WASF3: variants seen among roughly 807,000 people sequenced by gnomAD.
WASF3 encodes actin-binding protein WASF3.
WASF3 carries 11 observed loss-of-function variants against 46.6 expected under a neutral mutation model. The observed-to-expected ratio is 0.24, with a 90% CI of 0.15 to 0.39. The LOEUF is 0.39. Among genes scored for constraint, WASF3 ranks in the 10% least tolerant of loss-of-function variants. WASF3 has a pLI of 1.00. For missense variants in WASF3, 576 were observed against 669.8 expected (o/e 0.86, Z 1.55); for synonymous variants, 242 against 259.7 (o/e 0.93, Z 0.65).
chr13:26,584,682 TC>T (rs1880079291), intron 1 of WASF3, among the ~76,000 whole-genome samples: 1 of 152,206 alleles, frequency 6.6e-6, no homozygotes. Context: ...AAAGCATTCC[TC>T]AGTTTTATGT....
At chr13:26,606,925 TGAGA>T (rs778718678) in intron 1 of WASF3, 3 of 152,182 alleles carry the variant, frequency 2.0e-5, no homozygotes, top group Admixed American at 1.3e-4. Context: ...TGCATGCACA[TGAGA>T]GAGAGACCAC....
chr13:26,590,867 A>AATTATTC (rs923090427), intron 1 of WASF3, among the ~76,000 whole-genome samples: 4 of 152,212 alleles, frequency 2.6e-5, no homozygotes, highest in Non-Finnish European at 5.9e-5. Context: ...CAAATTAATA[A>AATTATTC]ATTATTCACA....
chr13:26,602,856 T>G (rs1364439389), intron 1 of WASF3, among the ~76,000 whole-genome samples: 1 of 152,230 alleles, frequency 6.6e-6, no homozygotes, highest in East Asian at 1.9e-4. Context: ...TCTGTATATT[T>G]CGTGCACTTA....
In WASF3 at chr13:26,667,522, C is replaced by G; in HGVS notation, c.274C>G (p.Leu92Val). The G allele has an allele frequency of 6.2e-7, 1 of 1,613,604 alleles. No individual in the cohort carries two copies. The highest frequency in any genetic ancestry group is 8.5e-7 in the Non-Finnish European group (1 of 1,179,752). The change falls in exon 5 of 10, where the codon CTA becomes GTA. Residue 92 changes from leucine to valine, a missense_variant. By Grantham distance (32) the Leu-to-Val change is conservative. This residue lies in a region of WASF3 where 213 missense variants were observed against 278.0 expected (regional missense o/e 0.77). Transcript: ENST00000335327. ...QLDSTVEEVS[L>V]QDINMKKAFK... ...GGGGGATTTTCTCTAAATAGTCTCA[C>G]TACAGGATATCAACATGAAAAAAGC...
At chr13:26,611,378 T>C (rs940615037) in intron 1 of WASF3, among the ~76,000 whole-genome samples, 11 of 152,170 alleles carry the variant, frequency 7.2e-5, no homozygotes, top group African/African-American at 2.2e-4. Flanking sequence ...ATAACAAAAA[T>C]AATAAGTCCA....
intron 1 of WASF3, among the ~76,000 whole-genome samples, chr13:26,560,260 C>T (rs991016423): frequency 6.6e-6 from 1 of 152,140 alleles, no homozygotes; most frequent in Non-Finnish European, 1.5e-5. Flanking sequence ...GGTTCTTTAC[C>T]TGTGGCTTGA....
chr13:26,564,074 T>G (rs1879383614), intron 1 of WASF3, among the ~76,000 whole-genome samples: 1 of 152,058 alleles, frequency 6.6e-6, no homozygotes, highest in South Asian at 2.1e-4. Context: ...AGTTTTTCCT[T>G]AAATACTTAA....
intron 3 of WASF3, among the ~76,000 whole-genome samples, chr13:26,649,593 G>A (rs1353307558): frequency 6.6e-6 from 1 of 152,198 alleles, no homozygotes; most frequent in Non-Finnish European, 1.5e-5. Flanking sequence ...CCGTTTCAGG[G>A]TTGCAGAAAC....
chr13:26,599,601 A>G (rs1213873297), intron 1 of WASF3, among the ~76,000 whole-genome samples: 1 of 152,180 alleles, frequency 6.6e-6, no homozygotes, highest in East Asian at 1.9e-4. Flanking sequence ...CTAATCTATC[A>G]TTTCAGCTCA....
At chr13:26,560,894 A>G (rs1015114428) in intron 1 of WASF3, among the ~76,000 whole-genome samples, 2 of 152,244 alleles carry the variant, frequency 1.3e-5, no homozygotes, top group Admixed American at 1.3e-4. Context: ...ACAAGAGCTC[A>G]GAGGAGGACC....
At chr13:26,639,627 T>A (rs1337801627) in intron 2 of WASF3, 1 of 152,192 alleles carries the variant, frequency 6.6e-6, no homozygotes, top group Non-Finnish European at 1.5e-5. Flanking sequence ...AGTGCCGACA[T>A]GTTGTCCCTT....
chr13:26,645,088 A>G (rs1472234151), intron 3 of WASF3, among the ~76,000 whole-genome samples: 2 of 152,186 alleles, frequency 1.3e-5, no homozygotes, highest in Admixed American at 1.3e-4. Flanking sequence ...GAGTGCAATG[A>G]ACTGAATGTT....
chr13:26,642,546 G>A (rs1449665166), intron 3 of WASF3, 143 bp downstream of exon 3: 2 of 1,038,018 alleles, frequency 1.9e-6, no homozygotes, highest in Non-Finnish European at 2.7e-6. Context: ...GTATGAAATT[G>A]ACCACTGCAC....
At chr13:26,651,937 A>G (rs1882326487) in intron 3 of WASF3, among the ~76,000 whole-genome samples, 1 of 152,192 alleles carries the variant, frequency 6.6e-6, no homozygotes, top group Admixed American at 6.5e-5. Context: ...ATCAAGAATA[A>G]CATAGATATC....
chr13:26,580,625 TC>T (rs1355525005), intron 1 of WASF3, among the ~76,000 whole-genome samples: 27 of 119,070 alleles, frequency 2.3e-4, no homozygotes, highest in African/African-American at 8.5e-4. Context: ...CTTTTTTCTT[TC>T]TTTTTTTTTT....
intron 6 of WASF3, among the ~76,000 whole-genome samples, chr13:26,673,043 AAAAG>A (rs1191888412): frequency 3.9e-5 from 6 of 152,334 alleles, no homozygotes; most frequent in Non-Finnish European, 7.3e-5. Flanking sequence ...AAGTGAAGAA[AAAAG>A]AAAGATACCA....
intron 5 of WASF3, among the ~76,000 whole-genome samples, chr13:26,669,725 G>C (rs1200101877): frequency 6.6e-6 from 1 of 152,136 alleles, no homozygotes; most frequent in Non-Finnish European, 1.5e-5. Flanking sequence ...TGTTGGTCAG[G>C]CTGGTCTCAA....
At chr13:26,569,879 T>C (rs1879582465) in intron 1 of WASF3, among the ~76,000 whole-genome samples, 1 of 152,200 alleles carries the variant, frequency 6.6e-6, no homozygotes, top group Non-Finnish European at 1.5e-5. Flanking sequence ...TCCTAAAATA[T>C]CCTACAGGCG....
chr13:26,616,754 C>A (rs1363921171), intron 2 of WASF3, among the ~76,000 whole-genome samples: 3 of 152,004 alleles, frequency 2.0e-5, no homozygotes, highest in Admixed American at 6.6e-5. Flanking sequence ...GACAGAAGAC[C>A]CCTAATTAGT....
Sources: gnomAD v4.1 joint callset for allele counts (sites outside exome capture counted in the v4.1 genomes callset) on GRCh38, gnomAD v4.1.1 for gene constraint, gnomAD v4.1.1 regional missense constraint, MANE v1.5 for transcripts, NCBI Gene and HGNC (gene_info 2026-07-23, HGNC 2026-07-21) for gene names.